The following AUTS2 variants were observed in gnomAD, a reference collection of about 807,000 sequenced individuals.
AUTS2 encodes the protein autism susceptibility gene 2 protein.
Under a neutral mutation model 112.4 loss-of-function variants are expected in AUTS2, and 17 were observed. That is an observed-to-expected ratio of 0.15 (90% CI 0.10 to 0.23). The LOEUF (loss-of-function observed/expected upper bound fraction) is 0.23. AUTS2 is among the 10% of genes least tolerant of loss of function. AUTS2 has a pLI of 1.00. For missense variants in AUTS2, 1,510 were observed against 1,701.6 expected, an observed-to-expected ratio of 0.89 and a Z score of 1.98; for synonymous variants, 751 against 702.7, an observed-to-expected ratio of 1.07 and a Z score of -1.09.
chr7:69,929,006 C>T (rs1006106426), intron 2 of AUTS2, among the ~76,000 whole-genome samples: 2 of 152,146 alleles, frequency 1.3e-5, no homozygotes, highest in Non-Finnish European at 2.9e-5. Context: ...TACATCTGAG[C>T]GTTTTTCTTT....
intron 1 of AUTS2, among the ~76,000 whole-genome samples, chr7:69,786,809 A>T (rs1789398670): frequency 6.6e-6 from 1 of 152,222 alleles, no homozygotes; most frequent in South Asian, 2.1e-4. Context: ...TGACAGTCAG[A>T]ATTTTATTTT....
chr7:69,776,160 G>T (rs555804632), intron 1 of AUTS2, among the ~76,000 whole-genome samples: 2 of 152,304 alleles, frequency 1.3e-5, no homozygotes, highest in South Asian at 4.1e-4. Flanking sequence ...TAATTGTGTT[G>T]CGCTTTTGGC....
At chr7:69,860,653 G>A (rs1464911545) in intron 1 of AUTS2, among the ~76,000 whole-genome samples, 2 of 151,480 alleles carry the variant, frequency 1.3e-5, no homozygotes, top group African/African-American at 4.8e-5. Flanking sequence ...GCAAACACAA[G>A]GGCACATGTT....
At chr7:70,543,528 T>TG (rs1311913121) in intron 5 of AUTS2, among the ~76,000 whole-genome samples, 2 of 131,270 alleles carry the variant, frequency 1.5e-5, no homozygotes, top group Non-Finnish European at 3.2e-5. Flanking sequence ...GACTCCATCT[T>TG]GGGAAAAAAA....
intron 6 of AUTS2, among the ~76,000 whole-genome samples, chr7:70,744,770 G>T (rs536545600): frequency 6.6e-6 from 1 of 152,116 alleles, no homozygotes; most frequent in Non-Finnish European, 1.5e-5. Context: ...TGACACGTGA[G>T]CCCCCCTTGG....
At chr7:70,219,398 T>C (rs1226126450) in intron 4 of AUTS2, among the ~76,000 whole-genome samples, 1 of 152,060 alleles carries the variant, frequency 6.6e-6, no homozygotes, top group African/African-American at 2.4e-5. Flanking sequence ...AAGCAAGATA[T>C]ATGATGTGGA....
chr7:70,781,726 G>A lies in AUTS2; in HGVS notation c.2116G>A (p.Ala706Thr), dbSNP rs764564016. 1.2e-6 allele frequency: 2 copies of A among 1,614,176 alleles called. No individual in the cohort carries two copies. The highest frequency in any genetic ancestry group is 1.7e-6 in the Non-Finnish European group (2 of 1,180,022). Residue 706 changes from alanine to threonine, a missense_variant, in exon 15 of 19, where the codon GCA becomes ACA. By Grantham distance (58) the Ala-to-Thr change is moderately conservative. This residue lies in a region of AUTS2 where 788 missense variants were observed against 797.6 expected (regional missense o/e 0.99). Transcript: ENST00000342771. ...AGCCATCCACCACCCCCATGACCTGGCACGGCCTTCAACTTTGTTCTCTGC... is the reference window on the plus strand; with the variant it reads ...AGCCATCCACCACCCCCATGACCTGACACGGCCTTCAACTTTGTTCTCTGC... ...FGAIHHPHDLARPSTLFSAAG... is the reference protein window; with the variant it reads ...FGAIHHPHDLTRPSTLFSAAG...
At chr7:70,085,094 C>A (rs1047086054) in intron 2 of AUTS2, among the ~76,000 whole-genome samples, 8 of 152,128 alleles carry the variant, frequency 5.3e-5, no homozygotes, top group African/African-American at 1.9e-4. Context: ...CGTGGCTGTT[C>A]TCGAACTTCT....
chr7:70,563,133 T>G (rs796629557), intron 5 of AUTS2, among the ~76,000 whole-genome samples: 3 of 152,230 alleles, frequency 2.0e-5, no homozygotes, highest in South Asian at 4.1e-4. Context: ...ATGAGCTCAC[T>G]GTCACCAAGC....
intron 6 of AUTS2, among the ~76,000 whole-genome samples, chr7:70,742,716 C>T (rs1322015597): frequency 6.6e-6 from 1 of 152,016 alleles, no homozygotes; most frequent in Non-Finnish European, 1.5e-5. Context: ...GAGCCGAGAT[C>T]GCGCCCTTGC....
intron 4 of AUTS2, among the ~76,000 whole-genome samples, chr7:70,315,553 G>A (rs1026030096): frequency 3.3e-5 from 5 of 151,962 alleles, no homozygotes; most frequent in African/African-American, 1.2e-4. Context: ...TATTCTTTCT[G>A]TTCCTGGCCT....
intron 1 of AUTS2, among the ~76,000 whole-genome samples, chr7:69,874,442 A>G (rs1045989688): frequency 2.0e-5 from 3 of 152,184 alleles, no homozygotes; most frequent in Admixed American, 1.3e-4. Context: ...TAAGCAAGGA[A>G]GTGGCATGCT....
intron 4 of AUTS2, among the ~76,000 whole-genome samples, chr7:70,310,633 A>G (rs1789704544): frequency 6.6e-6 from 1 of 151,592 alleles, no homozygotes; most frequent in Non-Finnish European, 1.5e-5. Context: ...AAAAGAAAGA[A>G]GTCAGCTCAG....
At chr7:70,441,093 T>C (rs758388257) in intron 5 of AUTS2, among the ~76,000 whole-genome samples, 5 of 152,250 alleles carry the variant, frequency 3.3e-5, no homozygotes, top group African/African-American at 4.8e-5. Context: ...CCCATGCTTA[T>C]GTCTGTAGAT....
At chr7:70,762,507 A>G (rs750108102) in intron 6 of AUTS2, among the ~76,000 whole-genome samples, 3 of 151,994 alleles carry the variant, frequency 2.0e-5, no homozygotes, top group African/African-American at 7.2e-5. Flanking sequence ...GGCTCAAGCA[A>G]TCCTTCCAAC....
intron 4 of AUTS2, among the ~76,000 whole-genome samples, chr7:70,379,833 T>A (rs1208490700): frequency 5.3e-5 from 8 of 152,172 alleles, no homozygotes; most frequent in Admixed American, 2.6e-4. Context: ...TTGTCTTATG[T>A]GGTATTGTTT....
intron 5 of AUTS2, among the ~76,000 whole-genome samples, chr7:70,488,358 G>A (rs1798101025): frequency 6.6e-6 from 1 of 152,152 alleles, no homozygotes. Context: ...ATGGAGGCCG[G>A]GGCTTTTGTT....
chr7:70,354,672 G>T (rs1791912664), intron 4 of AUTS2, among the ~76,000 whole-genome samples: 2 of 152,124 alleles, frequency 1.3e-5, no homozygotes, highest in Admixed American at 6.5e-5. Context: ...CTCACACGTG[G>T]CTACTGAGCA....
intron 6 of AUTS2, among the ~76,000 whole-genome samples, chr7:70,759,977 C>T (rs1338896244): frequency 6.6e-6 from 1 of 152,002 alleles, no homozygotes; most frequent in African/African-American, 2.4e-5. Context: ...TTCACCAGCC[C>T]AGTCTGGAGA....
Sources: allele counts gnomAD v4.1 joint callset (sites outside exome capture counted in the v4.1 genomes callset), GRCh38; gene constraint gnomAD v4.1.1; regional missense constraint gnomAD v4.1.1; transcripts MANE v1.5; gene names NCBI Gene and HGNC (gene_info 2026-07-23, HGNC 2026-07-21).